CDH18: variants seen among roughly 807,000 people sequenced by gnomAD.
The protein encoded by CDH18 is cadherin-18.
CDH18 carries 31 observed loss-of-function variants against 67.9 expected under a neutral mutation model. That is an observed-to-expected ratio of 0.46 (90% confidence interval 0.34 to 0.62). The LOEUF is 0.62. Ranked by LOEUF, CDH18 falls within the 20% of genes least tolerant of loss-of-function variation. The pLI, the probability that CDH18 is intolerant of heterozygous loss-of-function variation, is 0.01. For missense variants in CDH18, 890 were observed against 975.5 expected (o/e 0.91, Z 1.17); for synonymous variants, 362 against 347.2 (o/e 1.04, Z -0.48).
intron 2 of CDH18, among the ~76,000 whole-genome samples, chr5:20,161,328 T>C (rs1021469049): frequency 1.6e-4 from 24 of 152,288 alleles, no homozygotes; most frequent in South Asian, 4.1e-4. Context: ...TAGACTTGTT[T>C]AAGGTCTTTT....
chr5:19,914,760 C>CTATT (rs1168587293), intron 2 of CDH18, among the ~76,000 whole-genome samples: 7 of 151,978 alleles, frequency 4.6e-5, no homozygotes, highest in Admixed American at 3.9e-4. Context: ...GAATCAATCA[C>CTATT]TATTTACCAA....
intron 11 of CDH18, among the ~76,000 whole-genome samples, chr5:19,484,749 CA>C (rs1740083068): frequency 6.6e-6 from 1 of 152,190 alleles, no homozygotes; most frequent in South Asian, 2.1e-4. Context: ...GAGTGAATGT[CA>C]GCTCCATCTG....
intron 8 of CDH18, among the ~76,000 whole-genome samples, chr5:19,567,936 A>C (rs531951850): frequency 6.6e-6 from 1 of 152,296 alleles, no homozygotes; most frequent in African/African-American, 2.4e-5. Flanking sequence ...TAATTGATTG[A>C]AAGTACACAT....
chr5:19,875,151 C>T (rs1010254954), intron 2 of CDH18, among the ~76,000 whole-genome samples: 9 of 151,604 alleles, frequency 5.9e-5, no homozygotes, highest in South Asian at 2.1e-4. Context: ...TCTTGAATCC[C>T]TGTTAAATCA....
intron 1 of CDH18, among the ~76,000 whole-genome samples, chr5:20,569,254 CAG>C (rs1758676725): frequency 1.3e-5 from 2 of 152,100 alleles, no homozygotes; most frequent in African/African-American, 4.8e-5. Context: ...AAAAGAAAGT[CAG>C]AGACATTAAA....
chr5:19,564,043 A>T (rs1367182552), intron 8 of CDH18, among the ~76,000 whole-genome samples: 1 of 152,206 alleles, frequency 6.6e-6, no homozygotes, highest in Non-Finnish European at 1.5e-5. Flanking sequence ...AGCACAGGCT[A>T]GAGAGAAATA....
chr5:19,796,837 T>C (rs1776908136), intron 3 of CDH18, among the ~76,000 whole-genome samples: 1 of 151,250 alleles, frequency 6.6e-6, no homozygotes, highest in Non-Finnish European at 1.5e-5. Context: ...GTGTAGATGG[T>C]TAAAAGTCAC....
At chr5:19,774,426 T>TTAAAATTAAATAAAATAAAATAAAA (rs1554030468) in intron 3 of CDH18, among the ~76,000 whole-genome samples, 7 of 139,390 alleles carry the variant, frequency 5.0e-5, no homozygotes, top group African/African-American at 1.8e-4. Flanking sequence ...TAAAATAAAA[T>TTAAAATTAAATAAAATAAAATAAAA]TAAAATAAAA....
chr5:20,525,068 C>A lies in CDH18; in HGVS notation c.-580+50394G>T, dbSNP rs928414387. 2.0e-5 allele frequency among the ~76,000 whole-genome samples: 3 copies of A among 152,236 alleles called. No individual in the cohort carries two copies. In the East Asian group the frequency reaches 5.8e-4, roughly 29 times the overall value. On this transcript the variant is annotated intron_variant, in intron 1 of 14. Transcript: ENST00000507958. Reference sequence around the variant, plus strand: ...TATTCCCTGTTTAGGAACTTGAATGCAACAACCTGAGGAGCAGCAACACTA... The same window carrying A: ...TATTCCCTGTTTAGGAACTTGAATGAAACAACCTGAGGAGCAGCAACACTA...
intron 5 of CDH18, among the ~76,000 whole-genome samples, chr5:19,717,580 T>G (rs1765497273): frequency 1.3e-5 from 2 of 152,070 alleles, no homozygotes; most frequent in African/African-American, 2.4e-5. Context: ...CATAGAAAAC[T>G]TGAAATATTG....
chr5:20,058,722 T>C (rs558653042), intron 2 of CDH18, among the ~76,000 whole-genome samples: 1 of 152,256 alleles, frequency 6.6e-6, no homozygotes, highest in East Asian at 1.9e-4. Context: ...AGTAAATAAT[T>C]GTGATGTGAA....
intron 1 of CDH18, among the ~76,000 whole-genome samples, chr5:20,375,272 G>T (rs559862926): frequency 6.6e-6 from 1 of 152,240 alleles, no homozygotes; most frequent in Admixed American, 6.5e-5. Flanking sequence ...GAATGCTGGG[G>T]ACAATGATAC....
intron 2 of CDH18, among the ~76,000 whole-genome samples, chr5:20,015,872 A>G (rs1737834234): frequency 6.6e-6 from 1 of 152,140 alleles, no homozygotes; most frequent in East Asian, 1.9e-4. Context: ...GTAAGACTGG[A>G]TGAAATTTTA....
intron 2 of CDH18, among the ~76,000 whole-genome samples, chr5:20,223,705 T>A (rs998244369): frequency 6.6e-6 from 1 of 152,084 alleles, no homozygotes; most frequent in African/African-American, 2.4e-5. Context: ...GCTGTTCTTG[T>A]GTTAGTGAAT....
chr5:19,529,012 A>G (rs768974187), intron 9 of CDH18, among the ~76,000 whole-genome samples: 1 of 151,910 alleles, frequency 6.6e-6, no homozygotes, highest in Non-Finnish European at 1.5e-5. Flanking sequence ...GGAAAGAGCA[A>G]CTGATTAAAA....
chr5:20,529,151 G>T (rs1274877721), intron 1 of CDH18, among the ~76,000 whole-genome samples: 1 of 151,938 alleles, frequency 6.6e-6, no homozygotes, highest in East Asian at 1.9e-4. Context: ...TAGAAGAAAT[G>T]GATAAATTCC....
intron 2 of CDH18, among the ~76,000 whole-genome samples, chr5:20,147,250 G>A (rs1363845921): frequency 1.3e-5 from 2 of 151,996 alleles, no homozygotes; most frequent in African/African-American, 4.8e-5. Context: ...TAGGGATTTG[G>A]TATTACAAGG....
chr5:20,401,878 T>C (rs1745800135), intron 1 of CDH18, among the ~76,000 whole-genome samples: 1 of 152,198 alleles, frequency 6.6e-6, no homozygotes, highest in Non-Finnish European at 1.5e-5. Flanking sequence ...TTATAAATTA[T>C]GTCATATTAA....
intron 1 of CDH18, among the ~76,000 whole-genome samples, chr5:20,353,505 A>G (rs1344863367): frequency 6.6e-6 from 1 of 152,188 alleles, no homozygotes; most frequent in African/African-American, 2.4e-5. Context: ...CATGCAGCAC[A>G]CTAACTTTTA....
Sources: allele counts gnomAD v4.1 joint callset (sites outside exome capture counted in the v4.1 genomes callset), GRCh38; gene constraint gnomAD v4.1.1; transcripts MANE v1.5; gene names NCBI Gene and HGNC (gene_info 2026-07-23, HGNC 2026-07-21).